JMJD1C: variants seen among roughly 807,000 people sequenced by gnomAD.
JMJD1C encodes the protein jumonji domain-containing protein 1C.
A neutral mutation model predicts 245.3 loss-of-function variants in JMJD1C; 31 were observed. The observed-to-expected ratio is 0.13, with a 90% CI of 0.09 to 0.17. The LOEUF is 0.17. JMJD1C is among the 10% of genes least tolerant of loss of function. The pLI is 1.00. For synonymous variants in JMJD1C, 1,057 were observed against 1,017.4 expected (o/e 1.04, Z -0.74); for missense variants, 2,691 against 3,000.2 (o/e 0.90, Z 2.41).
chr10:63,487,551 AAC>A (rs761805283), intron 1 of JMJD1C, among the ~76,000 whole-genome samples: 5 of 152,246 alleles, frequency 3.3e-5, no homozygotes, highest in Non-Finnish European at 5.9e-5. Context: ...GATGCTGAGA[AAC>A]ACTGACTGAT....
intron 2 of JMJD1C, among the ~76,000 whole-genome samples, chr10:63,362,886 T>C (rs1056896634): frequency 6.6e-6 from 1 of 152,134 alleles, no homozygotes. Context: ...TAAAAAGCTA[T>C]TGAAAAACAC....
At chr10:63,302,256 C>T (rs1178943693) in intron 2 of JMJD1C, among the ~76,000 whole-genome samples, 1 of 152,038 alleles carries the variant, frequency 6.6e-6, no homozygotes, top group Non-Finnish European at 1.5e-5. Context: ...AAGTCATCTC[C>T]CACAAATGAA....
intron 3 of JMJD1C, among the ~76,000 whole-genome samples, chr10:63,225,754 G>A (rs145663794): frequency 6.6e-6 from 1 of 151,466 alleles, no homozygotes; most frequent in African/African-American, 2.4e-5. Flanking sequence ...ACTCCAGCCC[G>A]GGCAGCAAGA....
chr10:63,487,035 C>T (rs538723830), intron 1 of JMJD1C, among the ~76,000 whole-genome samples: 2 of 152,220 alleles, frequency 1.3e-5, no homozygotes, highest in Admixed American at 1.3e-4. Context: ...GTTGGCATCA[C>T]AAAATTGAAG....
chr10:63,268,657 C>G, intron 2 of JMJD1C: 1 of 961,348 alleles, frequency 1.0e-6, no homozygotes, highest in Non-Finnish European at 1.2e-6. Context: ...AAAATACAAA[C>G]CGTACTTTGT....
At chr10:63,302,073 G>A (rs1860161185) in intron 2 of JMJD1C, among the ~76,000 whole-genome samples, 1 of 152,172 alleles carries the variant, frequency 6.6e-6, no homozygotes, top group Non-Finnish European at 1.5e-5. Context: ...CTGGAGTGCA[G>A]TGGTGGGATC....
intron 1 of JMJD1C, among the ~76,000 whole-genome samples, chr10:63,518,880 G>A (rs1255622817): frequency 6.6e-6 from 1 of 152,156 alleles, no homozygotes. Flanking sequence ...ACACAGTTCC[G>A]CTATCTATCC....
In JMJD1C at chr10:63,398,649, T is replaced by TAAA. The variant is rs1564878264; in HGVS notation, c.169-18168_169-18167insTTT. On this transcript the variant is annotated intron_variant, in intron 1 of 25. Coordinates refer to ENST00000399262, the MANE Select transcript of JMJD1C (RefSeq NM_032776.3). ...TCATTTACTATCTGAAAAAAAATTT[T>TAAA]TTTTTTTTTTTTGAGACAGACTCTC... 6.3e-4 allele frequency among the ~76,000 whole-genome samples: 89 copies of TAAA among 141,558 alleles called. 1 individual carries two copies. Among genetic ancestry groups the TAAA allele is most frequent in the African/African-American group, 1.9e-3 (74 of 39,592 alleles). 92.9% of individuals were successfully genotyped at this position (141,558 alleles called of 152,430 possible). A position where few individuals can be genotyped will look rare whatever the true frequency, so the allele number is the denominator to read the frequency against.
intron 2 of JMJD1C, among the ~76,000 whole-genome samples, chr10:63,295,895 AT>A (rs1859315520): frequency 6.7e-6 from 1 of 149,968 alleles, no homozygotes; most frequent in African/African-American, 2.4e-5. Flanking sequence ...ATGTATATAT[AT>A]ATACATGAAT....
chr10:63,397,567 CTT>C (rs954586814), intron 1 of JMJD1C, among the ~76,000 whole-genome samples: 4 of 151,948 alleles, frequency 2.6e-5, no homozygotes, highest in African/African-American at 7.3e-5. Flanking sequence ...GGATCTCACT[CTT>C]GTCACCCAGG....
intron 2 of JMJD1C, among the ~76,000 whole-genome samples, chr10:63,348,972 G>A (rs1464816976): frequency 2.0e-5 from 3 of 151,764 alleles, no homozygotes; most frequent in Non-Finnish European, 4.4e-5. Flanking sequence ...GTGGTGGCAG[G>A]TGCCTGTAAT....
At chr10:63,284,665 A>G (rs919356350) in intron 2 of JMJD1C, among the ~76,000 whole-genome samples, 5 of 152,300 alleles carry the variant, frequency 3.3e-5, no homozygotes, top group Admixed American at 2.0e-4. Context: ...AAGGACTCAA[A>G]GCACATTCAA....
intron 2 of JMJD1C, among the ~76,000 whole-genome samples, chr10:63,287,864 C>A (rs1192604367): frequency 6.6e-6 from 1 of 151,982 alleles, no homozygotes; most frequent in Non-Finnish European, 1.5e-5. Flanking sequence ...TCTCCTGCCT[C>A]GGCCTCTCAA....
At chr10:63,381,063 A>C (rs960901477) in intron 1 of JMJD1C, among the ~76,000 whole-genome samples, 2 of 152,270 alleles carry the variant, frequency 1.3e-5, no homozygotes, top group African/African-American at 4.8e-5. Context: ...TGGTATATAT[A>C]CACAATAGAA....
Position 63,206,727 on chromosome 10 carries a change from G to C in JMJD1C, c.4942C>G (p.Pro1648Ala). 6.2e-7 allele frequency: 1 copy of C among 1,613,392 alleles called. No homozygotes were observed. The highest frequency in any genetic ancestry group is 8.5e-7 in the Non-Finnish European group (1 of 1,179,742). The change falls in exon 10 of 26, where the codon CCA (proline) becomes GCA (alanine). Residue 1648 changes from proline (P) to alanine (A), a missense_variant. This residue lies in a region of JMJD1C where 144 missense variants were observed against 143.3 expected (regional missense o/e 1.00). Transcript: ENST00000399262. Reference protein sequence around the residue: ...SEQRTKRQPKPTYKKKQNDLQ... With the variant: ...SEQRTKRQPKATYKKKQNDLQ... ...TCATTTTGCTTCTTTTTGTAAGTTG[G>C]CTTAGGTTGTCTTTTAGTCCTTTGC...
intron 2 of JMJD1C, among the ~76,000 whole-genome samples, chr10:63,360,595 A>G (rs1164420063): frequency 6.6e-6 from 1 of 152,184 alleles, no homozygotes. Context: ...AATCCAACAC[A>G]AACATTTTTG....
At chr10:63,425,697 G>A (rs1950399898) in intron 1 of JMJD1C, among the ~76,000 whole-genome samples, 2 of 152,180 alleles carry the variant, frequency 1.3e-5, no homozygotes, top group Admixed American at 6.5e-5. Flanking sequence ...TGGGAGGACT[G>A]CTTAGGCCCA....
chr10:63,375,204 T>TTTTTTTTG (rs1946633181), intron 2 of JMJD1C, among the ~76,000 whole-genome samples: 2 of 148,136 alleles, frequency 1.4e-5, no homozygotes, highest in African/African-American at 2.5e-5. Flanking sequence ...TTTTTTTTTT[T>TTTTTTTTG]GAGGCAAGGT....
intron 2 of JMJD1C, among the ~76,000 whole-genome samples, chr10:63,274,934 C>T (rs1422764416): frequency 6.6e-6 from 1 of 151,876 alleles, no homozygotes; most frequent in South Asian, 2.1e-4. Flanking sequence ...AGTGGCATGC[C>T]CCTGGAATCC....
Sources: allele counts gnomAD v4.1 joint callset (sites outside exome capture counted in the v4.1 genomes callset), GRCh38; gene constraint gnomAD v4.1.1; regional missense constraint gnomAD v4.1.1; transcripts MANE v1.5; gene names NCBI Gene and HGNC (gene_info 2026-07-23, HGNC 2026-07-21).